Variants in HCN1 observed in about 807,000 individuals in gnomAD.
HCN1 encodes potassium/sodium hyperpolarization-activated cyclic nucleotide-gated channel 1.
A neutral mutation model predicts 78.9 loss-of-function variants in HCN1; 13 were observed. That is an observed-to-expected ratio of 0.16 (90% CI 0.11 to 0.26). HCN1 has a LOEUF of 0.26. Among genes scored for constraint, HCN1 ranks in the 10% least tolerant of loss-of-function variants. The pLI, the probability that HCN1 is intolerant of heterozygous loss-of-function variation, is 1.00. For missense variants in HCN1, 810 were observed against 1,154.3 expected (o/e 0.70, Z 4.32); for synonymous variants, 552 against 455.5 (o/e 1.21, Z -2.70).
At chr5:45,333,518 C>T (rs1049822955) in intron 5 of HCN1, among the ~76,000 whole-genome samples, 3 of 151,506 alleles carry the variant, frequency 2.0e-5, no homozygotes, top group African/African-American at 4.8e-5. Flanking sequence ...TTTTTGCTTT[C>T]GTTACCTGTG....
chr5:45,622,219 GA>G (rs1192921935), intron 2 of HCN1, among the ~76,000 whole-genome samples: 1 of 151,550 alleles, frequency 6.6e-6, no homozygotes, highest in African/African-American at 2.4e-5. Flanking sequence ...AAAAAAAAGG[GA>G]CCCAATTTTA....
rs1740011756 is a variant in HCN1 at position 45,696,250 on chromosome 5, C to G, written c.-157G>C. ...GGCGGCGGCGGCGGCTGCTGCTTCC[C>G]GACCGCGCCGCTGCTAGCTGCGCGC... On this transcript the variant is annotated 5_prime_UTR_variant, in exon 1 of 8. Transcript: ENST00000303230. The G allele has an allele frequency of 5.7e-6, 1 of 176,652 alleles. No individual in the cohort carries two copies. The highest frequency in any genetic ancestry group is 1.1e-5 in the Non-Finnish European group (1 of 90,114). The allele number at this position is 176,652 out of a possible 1,614,324, so 10.9% of individuals were successfully genotyped here.
At chr5:45,571,557 A>T (rs1372920697) in intron 2 of HCN1, among the ~76,000 whole-genome samples, 3 of 152,144 alleles carry the variant, frequency 2.0e-5, no homozygotes, top group Non-Finnish European at 4.4e-5. Context: ...TATGATATTA[A>T]TTAGCTCCAT....
intron 3 of HCN1, among the ~76,000 whole-genome samples, chr5:45,438,976 C>G (rs1319310591): frequency 6.6e-6 from 1 of 152,058 alleles, no homozygotes; most frequent in Admixed American, 6.5e-5. Context: ...TTATGGACAG[C>G]TATAAATTGC....
intron 2 of HCN1, among the ~76,000 whole-genome samples, chr5:45,519,325 T>C (rs1326731076): frequency 1.3e-5 from 2 of 152,012 alleles, no homozygotes; most frequent in Non-Finnish European, 2.9e-5. Flanking sequence ...GAAAACTGTG[T>C]TTATTGTTTA....
At chr5:45,607,776 G>T (rs886091602) in intron 2 of HCN1, among the ~76,000 whole-genome samples, 1 of 151,430 alleles carries the variant, frequency 6.6e-6, no homozygotes, top group African/African-American at 2.4e-5. Flanking sequence ...AAAGCAACAG[G>T]GATAATATTG....
chr5:45,373,754 G>A (rs1438885002), intron 4 of HCN1, among the ~76,000 whole-genome samples: 2 of 108,106 alleles, frequency 1.9e-5, no homozygotes, highest in Non-Finnish European at 3.5e-5. Flanking sequence ...TATTACATAC[G>A]GTATATACGT....
intron 5 of HCN1, among the ~76,000 whole-genome samples, chr5:45,334,410 T>C (rs1161984825): frequency 6.6e-6 from 1 of 151,820 alleles, no homozygotes; most frequent in Admixed American, 6.6e-5. Flanking sequence ...TTCCAGGCCA[T>C]GGTGAACACA....
intron 7 of HCN1, 41 bp from the exon 8 acceptor site, chr5:45,262,851 A>T (rs765993252): frequency 1.2e-6 from 2 of 1,607,424 alleles, no homozygotes; most frequent in Non-Finnish European, 1.7e-6. Context: ...AAGCCTACCA[A>T]TGACTGATGA....
At chr5:45,542,706 C>T (rs1325900116) in intron 2 of HCN1, among the ~76,000 whole-genome samples, 1 of 152,094 alleles carries the variant, frequency 6.6e-6, no homozygotes, top group Non-Finnish European at 1.5e-5. Context: ...GTGTACTTTC[C>T]AGTGACAGGA....
intron 4 of HCN1, among the ~76,000 whole-genome samples, chr5:45,367,544 G>A (rs1180731253): frequency 6.6e-6 from 1 of 151,804 alleles, no homozygotes; most frequent in Non-Finnish European, 1.5e-5. Flanking sequence ...AGTGGTAAGA[G>A]GACAATTTCA....
chr5:45,675,564 T>A (rs1360262389), intron 1 of HCN1, among the ~76,000 whole-genome samples: 1 of 151,798 alleles, frequency 6.6e-6, no homozygotes, highest in African/African-American at 2.4e-5. Context: ...AAATTTATGT[T>A]CTTCAACATC....
At chr5:45,611,174 C>A (rs1466337499) in intron 2 of HCN1, among the ~76,000 whole-genome samples, 1 of 151,438 alleles carries the variant, frequency 6.6e-6, no homozygotes, top group Non-Finnish European at 1.5e-5. Context: ...ACTCAGCCCC[C>A]CAAGTAGCTG....
intron 3 of HCN1, 52 bp from the exon 4 acceptor site, chr5:45,396,762 G>T: frequency 7.4e-7 from 1 of 1,352,556 alleles, no homozygotes; most frequent in Non-Finnish European, 1.1e-6. Flanking sequence ...ATGGCAGAAT[G>T]AAAAGTGAGT....
chr5:45,470,981 A>G (rs1741379182), intron 2 of HCN1, among the ~76,000 whole-genome samples: 1 of 151,762 alleles, frequency 6.6e-6, no homozygotes, highest in Non-Finnish European at 1.5e-5. Context: ...TAAGTGGGAG[A>G]TTGGTTAGAA....
chr5:45,548,378 A>C (rs767612066), intron 2 of HCN1, among the ~76,000 whole-genome samples: 2 of 151,976 alleles, frequency 1.3e-5, no homozygotes, highest in African/African-American at 2.4e-5. Context: ...GGATTAAGAG[A>C]TGATATAAGA....
intron 1 of HCN1, among the ~76,000 whole-genome samples, chr5:45,680,414 C>CT (rs1271971663): frequency 6.6e-6 from 1 of 152,082 alleles, no homozygotes; most frequent in African/African-American, 2.4e-5. Flanking sequence ...TACCTCCTTT[C>CT]TATTTGAACT....
At chr5:45,317,013 C>G (rs921431551) in intron 5 of HCN1, among the ~76,000 whole-genome samples, 3 of 152,020 alleles carry the variant, frequency 2.0e-5, no homozygotes, top group Admixed American at 6.6e-5. Flanking sequence ...TGATTCAATG[C>G]CATCCCCATC....
At chr5:45,517,646 G>A (rs1742539695) in intron 2 of HCN1, among the ~76,000 whole-genome samples, 1 of 151,564 alleles carries the variant, frequency 6.6e-6, no homozygotes, top group African/African-American at 2.4e-5. Flanking sequence ...CAAAATATCG[G>A]CTTTGAGCTT....
Sources: allele counts gnomAD v4.1 joint callset (sites outside exome capture counted in the v4.1 genomes callset), GRCh38; gene constraint gnomAD v4.1.1; transcripts MANE v1.5; gene names NCBI Gene and HGNC (gene_info 2026-07-23, HGNC 2026-07-21).